Variants in KLF12 observed in about 807,000 individuals in gnomAD.
KLF12 encodes the protein KLF transcription factor 12, also known as Krueppel-like factor 12.
KLF12 carries 9 observed loss-of-function variants against 37.8 expected under a neutral mutation model. The observed-to-expected ratio is 0.24, with a 90% CI of 0.14 to 0.42. The LOEUF (loss-of-function observed/expected upper bound fraction) is 0.42. Among genes scored for constraint, KLF12 ranks in the 10% least tolerant of loss-of-function variants. The pLI, the probability that KLF12 is intolerant of heterozygous loss-of-function variation, is 1.00. For missense variants in KLF12, 411 were observed against 516.0 expected (o/e 0.80, Z 1.97); for synonymous variants, 208 against 202.1 (o/e 1.03, Z -0.25).
chr13:74,257,602 C>G, the KLF12 span: 1 of 152,148 alleles, frequency 6.6e-6, no homozygotes, highest in Non-Finnish European at 1.5e-5. Context: ...TTAGAGGCAA[C>G]CTTGGCACAA....
rs986116529 is a variant in KLF12 at position 73,691,015 on chromosome 13, T to C, written c.*4475A>G. ...AACTGTGAAAATATAGCAATTTTTA[T>C]GTACATTTCTTAACTATAAAATGCA... On this transcript the variant is annotated 3_prime_UTR_variant, in exon 8 of 8. Transcript: ENST00000377669. 6.5e-6 allele frequency: 1 copy of C among 152,676 alleles called. No individual in the cohort carries two copies. Among genetic ancestry groups the C allele is most frequent in the Non-Finnish European group, 1.5e-5 (1 of 68,040 alleles). 9.5% of individuals were successfully genotyped at this position (152,676 alleles called of 1,614,324 possible).
At chr13:73,897,330 C>A (rs1171489287) in intron 3 of KLF12, among the ~76,000 whole-genome samples, 1 of 152,120 alleles carries the variant, frequency 6.6e-6, no homozygotes, top group Non-Finnish European at 1.5e-5. Flanking sequence ...TTCAGCTTCC[C>A]AAGCGCAACA....
At chr13:73,961,994 T>G (rs1395054837) in intron 2 of KLF12, 1 of 455,466 alleles carries the variant, frequency 2.2e-6, no homozygotes, top group African/African-American at 2.0e-5. Flanking sequence ...TCTTTGGAAT[T>G]TACTCAAATG....
chr13:74,200,866 G>T, the KLF12 span, among the ~76,000 whole-genome samples: 1 of 152,108 alleles, frequency 6.6e-6, no homozygotes, highest in Non-Finnish European at 1.5e-5. Context: ...TTACCAAGAT[G>T]AACTTTATGG....
At chr13:74,020,563 C>A (rs543808762) in intron 1 of KLF12, among the ~76,000 whole-genome samples, 1 of 151,998 alleles carries the variant, frequency 6.6e-6, no homozygotes, top group African/African-American at 2.4e-5. Flanking sequence ...TAGAGAAGGG[C>A]AAGGAAATAA....
rs960535692 is a variant in KLF12, at chr13:73,972,031, A to C, written c.33+22959T>G. On this transcript the variant is annotated intron_variant, in intron 2 of 7. Transcript: ENST00000377669. ...GAATCATTAAGTGTTCATTAAATCA[A>C]ACCAAATGATATGAAATGATGCTCA... Among the ~76,000 whole-genome samples the C allele has an allele frequency of 2.6e-5, 4 of 152,340 alleles. No individual in the cohort carries two copies. In the East Asian group the frequency reaches 7.7e-4, roughly 29 times the overall value.
At chr13:73,727,702 C>CTTTT (rs4053530) in intron 6 of KLF12, among the ~76,000 whole-genome samples, 1 of 145,178 alleles carries the variant, frequency 6.9e-6, no homozygotes, top group Non-Finnish European at 1.5e-5. Context: ...CAATTTCTTT[C>CTTTT]TTTTTTTTTT....
the KLF12 span, among the ~76,000 whole-genome samples, chr13:74,291,039 A>G: frequency 6.6e-6 from 1 of 152,188 alleles, no homozygotes; most frequent in Non-Finnish European, 1.5e-5. Context: ...TTTTTGCCCC[A>G]GTGAGCAGAG....
At chr13:73,931,463 T>C (rs1204487420) in intron 3 of KLF12, among the ~76,000 whole-genome samples, 22 of 152,276 alleles carry the variant, frequency 1.4e-4, no homozygotes, top group Non-Finnish European at 1.5e-5. Flanking sequence ...TCTATTTATA[T>C]ATATTTATGT....
chr13:73,856,284 C>G lies in KLF12; in HGVS notation c.124-9911G>C, dbSNP rs147005468. 6.2e-3 allele frequency among the ~76,000 whole-genome samples: 945 copies of G among 152,310 alleles called. 3 individuals carry two copies. The highest frequency in any genetic ancestry group is 0.01 in the Non-Finnish European group (697 of 68,026). On this transcript the variant is annotated intron_variant, in intron 3 of 7. Coordinates refer to ENST00000377669, the MANE Select transcript of KLF12 (RefSeq NM_007249.5). ...TGTGAGTTACAGTGACACGAAGACC[C>G]TCAGCTCAATGTTCCTCTTGGCTGG...
chr13:74,143,873 A>G, the KLF12 span, among the ~76,000 whole-genome samples: 1 of 152,212 alleles, frequency 6.6e-6, no homozygotes, highest in Admixed American at 6.5e-5. Context: ...TGCCAACTGT[A>G]GGCTAATGTT....
chr13:74,236,214 G>C, the KLF12 span, among the ~76,000 whole-genome samples: 1 of 134,318 alleles, frequency 7.4e-6, no homozygotes, highest in Non-Finnish European at 1.5e-5. Flanking sequence ...TTGTTCTTGC[G>C]ATAGTTTACT....
chr13:74,130,879 AAAC>A (rs1479057031), intron 1 of KLF12, among the ~76,000 whole-genome samples: 8 of 152,216 alleles, frequency 5.3e-5, no homozygotes, highest in Admixed American at 4.6e-4. Flanking sequence ...AATATAAAGA[AAAC>A]AAACCATTTG....
At chr13:74,144,258 A>G in the KLF12 span, among the ~76,000 whole-genome samples, 1 of 152,218 alleles carries the variant, frequency 6.6e-6, no homozygotes, top group Admixed American at 6.5e-5. Flanking sequence ...AGGATTTTGC[A>G]CAGTGCATCA....
rs550954656 is a variant in KLF12 at position 73,808,445 on chromosome 13, T to C, written c.806+4707A>G. Among the ~76,000 whole-genome samples, 355 of 152,286 alleles carry C rather than the reference T, an allele frequency of 2.3e-3. 2 individuals carry two copies. Among genetic ancestry groups the C allele is most frequent in the African/African-American group, 8.0e-3 (333 of 41,570 alleles). ...CGATCAGTTCAAGCACACAGTTTAGTAGACTCATTACATAAATCTATGTAA... is the reference window on the plus strand; with the variant it reads ...CGATCAGTTCAAGCACACAGTTTAGCAGACTCATTACATAAATCTATGTAA... On this transcript the variant is annotated intron_variant, in intron 5 of 7. Transcript: ENST00000377669.
chr13:74,225,948 C>T, the KLF12 span, among the ~76,000 whole-genome samples: 11 of 152,158 alleles, frequency 7.2e-5, no homozygotes, highest in East Asian at 3.9e-4. Context: ...AAAGTCAATG[C>T]GACTGAAGAT....
intron 2 of KLF12, among the ~76,000 whole-genome samples, chr13:73,969,672 C>T (rs1054065314): frequency 3.3e-5 from 5 of 152,168 alleles, no homozygotes; most frequent in Admixed American, 3.3e-4. Flanking sequence ...CCCTATATAA[C>T]ACTTACCTCT....
chr13:73,923,841 T>TA (rs1421039290), intron 3 of KLF12, among the ~76,000 whole-genome samples: 1 of 152,208 alleles, frequency 6.6e-6, no homozygotes, highest in Non-Finnish European at 1.5e-5. Flanking sequence ...ACTTTGAAGA[T>TA]AGTTGTATTC....
chr13:74,137,769 A>G (rs1878601007), upstream of KLF12, among the ~76,000 whole-genome samples: 1 of 151,960 alleles, frequency 6.6e-6, no homozygotes, highest in Admixed American at 6.5e-5. Flanking sequence ...TTATTTATTT[A>G]TTTATTTTGA....
Sources: gnomAD v4.1 joint callset for allele counts (sites outside exome capture counted in the v4.1 genomes callset) on GRCh38, gnomAD v4.1.1 for gene constraint, MANE v1.5 for transcripts, NCBI Gene and HGNC (gene_info 2026-07-23, HGNC 2026-07-21) for gene names.